Variants in SUCLG2 observed in about 807,000 individuals in gnomAD.
The protein encoded by SUCLG2 is succinate--CoA ligase [GDP-forming] subunit beta, mitochondrial.
SUCLG2 carries 42 observed loss-of-function variants against 47.9 expected under a neutral mutation model. That is an observed-to-expected ratio of 0.88 (90% CI 0.69 to 1.14). The LOEUF is 1.14. Among genes scored for constraint, SUCLG2 ranks in the 50% most tolerant of loss-of-function variants. SUCLG2 has a pLI of 0.00. For missense variants in SUCLG2, 571 were observed against 525.9 expected, an observed-to-expected ratio of 1.09 and a Z score of -0.84; for synonymous variants, 195 against 197.3, an observed-to-expected ratio of 0.99 and a Z score of 0.10.
intron 2 of SUCLG2, among the ~76,000 whole-genome samples, chr3:67,603,368 GTTC>G (rs1708462249): frequency 6.6e-6 from 1 of 152,208 alleles, no homozygotes; most frequent in Admixed American, 6.5e-5. Context: ...ATGCACAACA[GTTC>G]TTTTTTTACA....
intron 2 of SUCLG2, among the ~76,000 whole-genome samples, chr3:67,545,882 C>A (rs1466811495): frequency 6.6e-6 from 1 of 152,156 alleles, no homozygotes; most frequent in Non-Finnish European, 1.5e-5. Flanking sequence ...ACTTCAAATT[C>A]TACCCTCCAT....
chr3:67,381,786 G>A (rs936903193), intron 10 of SUCLG2, among the ~76,000 whole-genome samples: 6 of 151,958 alleles, frequency 3.9e-5, no homozygotes, highest in African/African-American at 1.2e-4. Flanking sequence ...TACTACTAGG[G>A]GATATTATAA....
intron 10 of SUCLG2, among the ~76,000 whole-genome samples, chr3:67,369,642 A>G (rs1465288821): frequency 1.3e-5 from 2 of 152,226 alleles, no homozygotes; most frequent in Non-Finnish European, 2.9e-5. Flanking sequence ...GAGCTGCACC[A>G]TGCTGTCTCC....
intron 4 of SUCLG2, among the ~76,000 whole-genome samples, chr3:67,525,191 A>T (rs747818521): frequency 2.6e-5 from 4 of 152,240 alleles, no homozygotes; most frequent in Non-Finnish European, 5.9e-5. Context: ...ACATAACAAA[A>T]AACCAATTCC....
intron 10 of SUCLG2, among the ~76,000 whole-genome samples, chr3:67,392,822 CT>C (rs528045600): frequency 2.0e-5 from 3 of 149,830 alleles, no homozygotes; most frequent in Non-Finnish European, 3.0e-5. Flanking sequence ...AGTCACTGTA[CT>C]TTTTTTTTTG....
intron 2 of SUCLG2, among the ~76,000 whole-genome samples, chr3:67,550,032 G>A (rs1311207621): frequency 6.6e-6 from 1 of 152,140 alleles, no homozygotes; most frequent in African/African-American, 2.4e-5. Context: ...TTTCATGGGA[G>A]GAGTGACTCA....
chr3:67,642,648 A>C (rs1426000640), intron 1 of SUCLG2, among the ~76,000 whole-genome samples: 1 of 152,224 alleles, frequency 6.6e-6, no homozygotes, highest in African/African-American at 2.4e-5. Flanking sequence ...AAATGAGCTT[A>C]GCAATGGCTA....
At chr3:67,565,764 T>C (rs1449701648) in intron 2 of SUCLG2, among the ~76,000 whole-genome samples, 1 of 152,200 alleles carries the variant, frequency 6.6e-6, no homozygotes, top group African/African-American at 2.4e-5. Context: ...TCCCTAGCAC[T>C]CTCACTAGCG....
chr3:67,406,807 CA>C (rs1389073171), intron 9 of SUCLG2, among the ~76,000 whole-genome samples: 1 of 152,168 alleles, frequency 6.6e-6, no homozygotes, highest in Non-Finnish European at 1.5e-5. Flanking sequence ...AGGAAATTAA[CA>C]TTTATTGAGC....
At chr3:67,421,310 T>A (rs1703152480) in intron 9 of SUCLG2, among the ~76,000 whole-genome samples, 1 of 152,184 alleles carries the variant, frequency 6.6e-6, no homozygotes, top group Non-Finnish European at 1.5e-5. Flanking sequence ...TATTACAGTA[T>A]AACATGACCC....
chr3:67,509,931 T>C (rs2107101112), intron 6 of SUCLG2, among the ~76,000 whole-genome samples: 1 of 152,192 alleles, frequency 6.6e-6, no homozygotes, highest in Non-Finnish European at 1.5e-5. Context: ...CCAGCTGGGG[T>C]CAGCCAATGG....
At chr3:67,524,071 T>C (rs1029403886) in intron 4 of SUCLG2, among the ~76,000 whole-genome samples, 4 of 152,210 alleles carry the variant, frequency 2.6e-5, no homozygotes, top group Non-Finnish European at 2.9e-5. Context: ...CAAGAAATTT[T>C]ATACAACAAA....
chr3:67,653,184 A>G (rs1701318212), intron 1 of SUCLG2, among the ~76,000 whole-genome samples: 1 of 152,186 alleles, frequency 6.6e-6, no homozygotes, highest in Admixed American at 6.5e-5. Context: ...TTTCTCATCA[A>G]TTCAAGTCTA....
intron 9 of SUCLG2, among the ~76,000 whole-genome samples, chr3:67,488,476 G>T (rs1408565148): frequency 2.0e-5 from 3 of 152,176 alleles, no homozygotes; most frequent in Non-Finnish European, 4.4e-5. Flanking sequence ...AAAGGAATCA[G>T]TCCAAAGGAT....
At chr3:67,481,342 G>C (rs146151079) in intron 9 of SUCLG2, among the ~76,000 whole-genome samples, 1 of 152,198 alleles carries the variant, frequency 6.6e-6, no homozygotes, top group East Asian at 1.9e-4. Context: ...AGACCACGTG[G>C]ACCAGGACTT....
intron 2 of SUCLG2, among the ~76,000 whole-genome samples, chr3:67,577,488 A>G (rs1171210904): frequency 2.6e-5 from 4 of 152,216 alleles, no homozygotes; most frequent in Admixed American, 1.3e-4. Context: ...GAAGACATAC[A>G]TGGAAATGAC....
chr3:67,409,128 G>A (rs1702879870), intron 9 of SUCLG2: 2 of 1,328,968 alleles, frequency 1.5e-6, no homozygotes, highest in Non-Finnish European at 1.0e-6. Flanking sequence ...CCTGTTTACT[G>A]ATAAAAGAGT....
At chr3:67,531,162 C>A (rs1706392772) in intron 2 of SUCLG2, among the ~76,000 whole-genome samples, 1 of 152,120 alleles carries the variant, frequency 6.6e-6, no homozygotes, top group Admixed American at 6.5e-5. Flanking sequence ...TAGCTATCAA[C>A]ATTATAATAA....
chr3:67,468,159 G>A (rs1279558842), intron 9 of SUCLG2, among the ~76,000 whole-genome samples: 1 of 152,136 alleles, frequency 6.6e-6, no homozygotes, highest in Non-Finnish European at 1.5e-5. Context: ...CTTGTTTTCT[G>A]AGCGAATCTT....
Sources: allele counts gnomAD v4.1 joint callset (sites outside exome capture counted in the v4.1 genomes callset), GRCh38; gene constraint gnomAD v4.1.1; transcripts MANE v1.5; gene names NCBI Gene and HGNC (gene_info 2026-07-23, HGNC 2026-07-21).